CDX2: variants seen among roughly 807,000 people sequenced by gnomAD.
The protein encoded by CDX2 is caudal type homeobox 2, also known as homeobox protein CDX-2.
In CDX2, 7 loss-of-function variants were observed where a neutral mutation model predicts 25.5. The ratio of observed to expected loss-of-function variants is 0.27; its 90% CI spans 0.16 to 0.52. CDX2 has a LOEUF of 0.52. CDX2 is among the 20% of genes least tolerant of loss of function. The pLI is 0.97. For synonymous variants in CDX2, 222 were observed against 198.6 expected, an observed-to-expected ratio of 1.12 and a Z score of -0.99; for missense variants, 375 against 431.4, an observed-to-expected ratio of 0.87 and a Z score of 1.16.
At position 27,963,030 on chromosome 13, in the gene CDX2, A is replaced by AG. The variant is rs1869132649; in HGVS notation, c.*84dup. ...GGTCTATGGCTGTGGGTGGGAGGGG[A>AG]GGGGTCTCTCCTGAGGAGTCTAGCA... is the stretch of plus-strand genomic sequence containing the variant. On this transcript the variant is annotated 3_prime_UTR_variant, in exon 3 of 3. Transcript: ENST00000381020. 6.2e-6 allele frequency: 8 copies of AG among 1,293,620 alleles called. No individual in the cohort carries two copies. Among genetic ancestry groups the AG allele is most frequent in the Admixed American group, 2.6e-5 (1 of 38,824 alleles). 80.1% of individuals were successfully genotyped at this position (1,293,620 alleles called of 1,614,324 possible). A position where few individuals can be genotyped will look rare whatever the true frequency, so the allele number is the denominator to read the frequency against.
At position 27,961,038 on chromosome 13, in the gene CDX2, C is replaced by T. The variant is rs1023884092; in HGVS notation, c.*2077G>A. Among the ~76,000 whole-genome samples, 2 of 152,042 alleles carry T rather than the reference C, an allele frequency of 1.3e-5. No individual in the cohort carries two copies. Among genetic ancestry groups the T allele is most frequent in the Admixed American group, 1.3e-4 (2 of 15,282 alleles). On this transcript the variant is annotated 3_prime_UTR_variant, in exon 3 of 3. Coordinates refer to ENST00000381020, the MANE Select transcript of CDX2 (RefSeq NM_001265.6). ...CGGGGAGACCTGCGGGGCACCGGGGCTCAGACCGGCCCTGACCCAGGACCC... is the reference window on the plus strand; with the variant it reads ...CGGGGAGACCTGCGGGGCACCGGGGTTCAGACCGGCCCTGACCCAGGACCC...
rs1462399081 is a variant in CDX2 at position 27,962,457 on chromosome 13, C to T, written c.*658G>A. 4 of 232,816 alleles carry T rather than the reference C, an allele frequency of 1.7e-5. No individual in the cohort carries two copies. The highest frequency in any genetic ancestry group is 3.4e-5 in the Non-Finnish European group (4 of 117,604). The allele number at this position is 232,816 out of a possible 1,614,324, so 14.4% of individuals were successfully genotyped here. On this transcript the variant is annotated 3_prime_UTR_variant, in exon 3 of 3. Transcript: ENST00000381020. ...CTCTCTAAACAAGTCCCTGTTCGGG[C>T]CCCCTGGTCAGGCCTGGAGTCCAAT...
intron 1 of CDX2, among the ~76,000 whole-genome samples, chr13:27,966,227 G>C (rs1209926614): frequency 2.0e-5 from 3 of 152,214 alleles, no homozygotes; most frequent in Non-Finnish European, 2.9e-5. Context: ...TGGCGGCCCC[G>C]GCTTTCATCC....
intron 1 of CDX2, chr13:27,967,139 C>G (rs1306691978): frequency 1.0e-5 from 4 of 383,982 alleles, no homozygotes; most frequent in East Asian, 5.4e-5. Context: ...CCCCGCCAAC[C>G]GCGCCCCAGA....
rs145660708 is a variant in CDX2, at chr13:27,965,780, A to G, written c.542-765T>C. Among the ~76,000 whole-genome samples the G allele has an allele frequency of 7.8e-3, 1,187 of 152,354 alleles. 21 individuals carry two copies. Among genetic ancestry groups the G allele is most frequent in the South Asian group, 0.047 (226 of 4,828 alleles). On this transcript the variant is annotated intron_variant, in intron 1 of 2. Transcript: ENST00000381020. ...AATCCCAGATTGATTGTTTTACTGA[A>G]GGGCCTTGACAAATAGTGTCCACAA...
In CDX2 at chr13:27,964,413, G is replaced by A. The variant is rs569384415; in HGVS notation, c.687+457C>T. Among the ~76,000 whole-genome samples the A allele has an allele frequency of 6.6e-6, 1 of 151,146 alleles. No individual in the cohort carries two copies. Among genetic ancestry groups the A allele is most frequent in the Admixed American group, 6.6e-5 (1 of 15,162 alleles). ...AAACTGCGTTTCGACGGTGGCGGGT[G>A]GGGGGGCATGTACTCCAGGCCAGGC... On this transcript the variant is annotated intron_variant, in intron 2 of 2. Transcript: ENST00000381020. This position sits in a 1 kb window ranked among gnomAD's most constrained non-coding sequence, Gnocchi z 4.7.
At position 27,964,886 on chromosome 13, in the gene CDX2, C is replaced by A; in HGVS notation, c.671G>T (p.Gly224Val). ...GGTCCCCACCTGCCTCTCAGAGAGC[C>A]CCAGCGTGGCGGCTAGCTCGGCTTT... Reference protein sequence around the residue: ...RRKAELAATLGLSERQVKIWF... With the variant: ...RRKAELAATLVLSERQVKIWF... Residue 224 changes from glycine (G) to valine (V), a missense_variant, in exon 2 of 3, where the codon GGG becomes GTG. Gly to Val is a moderately radical substitution (Grantham distance 109, BLOSUM62 -3). Coordinates refer to ENST00000381020, the MANE Select transcript of CDX2 (RefSeq NM_001265.6). This position sits in a 1 kb window ranked among gnomAD's most constrained non-coding sequence, Gnocchi z 4.7. 1 of 1,614,070 alleles carries A rather than the reference C, an allele frequency of 6.2e-7. No individual in the cohort carries two copies.
At position 27,968,951 on chromosome 13, in the gene CDX2, C is replaced by T. The variant is rs1278782770; in HGVS notation, c.56G>A (p.Arg19His). The change falls in exon 1 of 3, where the codon CGC (arginine) becomes CAC (histidine). Residue 19 changes from arginine (R) to histidine (H), a missense_variant. By Grantham distance (29) the Arg-to-His change is conservative. Transcript: ENST00000381020. ...CGCCAGGTTGAGGCCGCCAGAGTGG[C>T]GCACGGAGCTAGGGTACATGCTCAC... ...KDVSMYPSSVRHSGGLNLAPQ... is the reference protein window; with the variant it reads ...KDVSMYPSSVHHSGGLNLAPQ... 6.2e-7 allele frequency: 1 copy of T among 1,607,726 alleles called. No individual in the cohort carries two copies. Among genetic ancestry groups the T allele is most frequent in the Non-Finnish European group, 8.5e-7 (1 of 1,179,270 alleles).
At position 27,961,410 on chromosome 13, in the gene CDX2, A is replaced by G. The variant is rs1487080528; in HGVS notation, c.*1705T>C. Among the ~76,000 whole-genome samples, 4 of 152,198 alleles carry G rather than the reference A, an allele frequency of 2.6e-5. No individual in the cohort carries two copies. The highest frequency in any genetic ancestry group is 9.6e-5 in the African/African-American group (4 of 41,452). On this transcript the variant is annotated 3_prime_UTR_variant, in exon 3 of 3. Transcript: ENST00000381020. ...CCCCCTCGCCCGGGTCCTGCCGGAA[A>G]GTTCAGCTCGGCGGCCTCCAGGATC... is the stretch of plus-strand genomic sequence containing the variant.
chr13:27,968,372 G>GC, intron 1 of CDX2, 94 bp downstream of exon 1: 2 of 1,327,992 alleles, frequency 1.5e-6, no homozygotes, highest in East Asian at 3.1e-5. Context: ...AGCCCGGGAC[G>GC]CCCCTGTGCG....
At chr13:27,967,743 C>A (rs752838113) in intron 1 of CDX2, among the ~76,000 whole-genome samples, 11 of 152,234 alleles carry the variant, frequency 7.2e-5, no homozygotes, top group Non-Finnish European at 1.6e-4. Context: ...CGTCTCCCTG[C>A]TCTCTCCGCA....
chr13:27,963,382 A>C lies in CDX2; in HGVS notation c.688-13T>G, dbSNP rs1566035822. The C allele has an allele frequency of 2.6e-6, 4 of 1,546,320 alleles. No individual in the cohort carries two copies. The highest frequency in any genetic ancestry group is 3.5e-6 in the Non-Finnish European group (4 of 1,142,182). ...ACCAGATTTTAACCTAGAAATGGAA[A>C]GGTGGAGAAAAGCACATTGTGGTGA... On this transcript the variant is annotated splice_polypyrimidine_tract_variant and intron_variant, in intron 2 of 2. Coordinates refer to ENST00000381020, the MANE Select transcript of CDX2 (RefSeq NM_001265.6).
rs973498950 is a variant in CDX2 at position 27,961,080 on chromosome 13, C to T, written c.*2035G>A. On this transcript the variant is annotated 3_prime_UTR_variant, in exon 3 of 3. Coordinates refer to ENST00000381020, the MANE Select transcript of CDX2 (RefSeq NM_001265.6). ...CCAGGACCCCTGACCCAGGACCCCT[C>T]GCCCAGCGGACCCGGACACGGCTTC... 6.6e-6 allele frequency among the ~76,000 whole-genome samples: 1 copy of T among 152,122 alleles called. No homozygotes were observed. Among genetic ancestry groups the T allele is most frequent in the Non-Finnish European group, 1.5e-5 (1 of 68,008 alleles).
At chr13:27,966,283 A>G (rs898881959) in intron 1 of CDX2, among the ~76,000 whole-genome samples, 1 of 152,336 alleles carries the variant, frequency 6.6e-6, no homozygotes, top group African/African-American at 2.4e-5. Flanking sequence ...CTGCAGGCGC[A>G]TTTGAATGGG....
chr13:27,966,097 A>G (rs1869307745), intron 1 of CDX2, among the ~76,000 whole-genome samples: 2 of 152,246 alleles, frequency 1.3e-5, no homozygotes, highest in Non-Finnish European at 2.9e-5. Context: ...AGCTCCCCCG[A>G]GCCGCTGAAA....
In CDX2 at chr13:27,962,648, C is replaced by T; in HGVS notation, c.*467G>A. 4.2e-6 allele frequency: 1 copy of T among 235,656 alleles called. No individual in the cohort carries two copies. The highest frequency in any genetic ancestry group is 8.4e-6 in the Non-Finnish European group (1 of 119,514). The allele number at this position is 235,656 out of a possible 1,614,324, so 14.6% of individuals were successfully genotyped here. A position where few individuals can be genotyped will look rare whatever the true frequency, so the allele number is the denominator to read the frequency against. ...CTTCCGCAGTGTAAACCTTGCCTGC[C>T]CGGAGGCAGGAGGCCCAGCTGGACC... On this transcript the variant is annotated 3_prime_UTR_variant, in exon 3 of 3. Transcript: ENST00000381020.
chr13:27,963,251 T>C lies in CDX2; in HGVS notation c.806A>G (p.Gln269Arg). Residue 269 changes from glutamine (Q) to arginine (R), a missense_variant, in exon 3 of 3, where the codon CAG becomes CGG. Around this residue, in one of 3 missense-constraint regions of CDX2, gnomAD observed 58 missense variants for 59.4 expected, o/e 0.98. Coordinates refer to ENST00000381020, the MANE Select transcript of CDX2 (RefSeq NM_001265.6). ...ACTTCTCAGAGGACCTGGCTGAGGC[T>C]GGGGAGGCTGTGGTGGCGGCGGAGG... is the stretch of plus-strand genomic sequence containing the variant. ...QPPPPPPQPP[Q>R]PQPGPLRSVP... 1 of 1,614,146 alleles carries C rather than the reference T, an allele frequency of 6.2e-7. No individual in the cohort carries two copies. The highest frequency in any genetic ancestry group is 8.5e-7 in the Non-Finnish European group (1 of 1,179,994).
At chr13:27,968,436 A>C (rs1869443753) in intron 1 of CDX2, 30 bp downstream of exon 1, 1 of 1,473,118 alleles carries the variant, frequency 6.8e-7, no homozygotes, top group Non-Finnish European at 8.9e-7. Context: ...CTTCCCAAGC[A>C]CCCTCCGAAG....
Position 27,964,402 on chromosome 13 carries a change from C to A in CDX2, c.687+468G>T, listed in dbSNP as rs539171606. Reference sequence around the variant, plus strand: ...CAACAAGAGTGAAACTGCGTTTCGACGGTGGCGGGTGGGGGGGCATGTACT... The same window carrying A: ...CAACAAGAGTGAAACTGCGTTTCGAAGGTGGCGGGTGGGGGGGCATGTACT... On this transcript the variant is annotated intron_variant, in intron 2 of 2. Coordinates refer to ENST00000381020, the MANE Select transcript of CDX2 (RefSeq NM_001265.6). This position sits in a 1 kb window ranked among gnomAD's most constrained non-coding sequence, Gnocchi z 4.7. Among the ~76,000 whole-genome samples, 2 of 150,890 alleles carry A rather than the reference C, an allele frequency of 1.3e-5. No homozygotes were observed. The highest frequency in any genetic ancestry group is 4.3e-4 in the South Asian group (2 of 4,702).
Sources: gnomAD v4.1 joint callset for allele counts (sites outside exome capture counted in the v4.1 genomes callset) on GRCh38, gnomAD v4.1.1 for gene constraint, gnomAD v4.1.1 regional missense constraint, Gnocchi (gnomAD v3.1) non-coding constraint, MANE v1.5 for transcripts, NCBI Gene and HGNC (gene_info 2026-07-23, HGNC 2026-07-21) for gene names.